ADCY3: variants seen among roughly 807,000 people sequenced by gnomAD.
ADCY3 encodes adenylate cyclase 3.
ADCY3 carries 70 observed loss-of-function variants against 119.4 expected under a neutral mutation model. That is an observed-to-expected ratio of 0.59 (90% CI 0.48 to 0.72). The LOEUF is 0.72. ADCY3 is among the 30% of genes least tolerant of loss of function. The probability of loss-of-function intolerance (pLI) is 0.00; values close to 1 mark genes in which losing one functional copy is unlikely to be tolerated. For missense variants in ADCY3, 1,238 were observed against 1,541.6 expected (o/e 0.80, Z 3.30); for synonymous variants, 672 against 621.4 (o/e 1.08, Z -1.21).
At chr2:24,854,627 T>TA (rs1672787374) in intron 3 of ADCY3, among the ~76,000 whole-genome samples, 1 of 151,942 alleles carries the variant, frequency 6.6e-6, no homozygotes, top group Non-Finnish European at 1.5e-5. Flanking sequence ...TCAAAAAGGA[T>TA]AGAGGTCATA....
intron 3 of ADCY3, among the ~76,000 whole-genome samples, chr2:24,857,099 G>A (rs755627062): frequency 8.9e-4 from 136 of 152,184 alleles, no homozygotes; most frequent in Non-Finnish European, 1.7e-3. Flanking sequence ...GGAACAGTGC[G>A]GAAATCACAC....
chr2:24,872,790 G>C lies in ADCY3; in HGVS notation c.676-71C>G, dbSNP rs1027549880. On this transcript the variant is annotated intron_variant, in intron 2 of 21. Transcript: ENST00000679454. This position sits in a 1 kb window ranked among gnomAD's most constrained non-coding sequence, Gnocchi z 4.4. ...GTCTTCAGAAAAGGGGATGGAGAAGGGGATGGAGGAGGTGGGGTGGGTGGT... is the reference window on the plus strand; with the variant it reads ...GTCTTCAGAAAAGGGGATGGAGAAGCGGATGGAGGAGGTGGGGTGGGTGGT... The C allele has an allele frequency of 2.2e-5, 35 of 1,565,276 alleles. No homozygotes were observed. Among genetic ancestry groups the C allele is most frequent in the Non-Finnish European group, 2.8e-5 (32 of 1,148,220 alleles).
Position 24,918,507 on chromosome 2 carries a change from G to A in ADCY3, c.481C>T (p.Arg161Cys), listed in dbSNP as rs765162350. Residue 161 changes from arginine (R) to cysteine (C), a missense_variant, in exon 2 of 22, where the codon CGT (arginine) becomes TGT (cysteine). Around this residue, in one of 7 missense-constraint regions of ADCY3, gnomAD observed 227 missense variants for 249.3 expected, o/e 0.91. Transcript: ENST00000679454. The surrounding 1 kb of genome is among the most constrained non-coding windows in gnomAD (Gnocchi z 5.4). ...IFSYLGLNFARAHAASDTVGW... is the reference protein window; with the variant it reads ...IFSYLGLNFACAHAASDTVGW... The stretch of plus-strand genomic sequence containing the variant: ...ACCGTGTCACTAGCCGCGTGGGCAC[G>A]CGCGAAGTTCAGGCCCAGGTAGGAG... The A allele has an allele frequency of 1.2e-6, 2 of 1,613,870 alleles. No individual in the cohort carries two copies. The highest frequency in any genetic ancestry group is 1.6e-4 in the Middle Eastern group (1 of 6,082).
In ADCY3 at chr2:24,841,406, C is replaced by T. The variant is rs1431072707; in HGVS notation, c.1069-20G>A. On this transcript the variant is annotated intron_variant, in intron 5 of 21. Transcript: ENST00000679454. The surrounding 1 kb of genome is among the most constrained non-coding windows in gnomAD (Gnocchi z 5.8). The stretch of plus-strand genomic sequence containing the variant: ...GTATTTCTGAAAGGGGAGGGCCTGG[C>T]CTGTGCTCCAGCCCCTCCTCAGTGA... 2.5e-6 allele frequency: 4 copies of T among 1,609,686 alleles called. No homozygotes were observed. The highest frequency in any genetic ancestry group is 3.4e-6 in the Non-Finnish European group (4 of 1,178,248).
At chr2:24,840,420 C>T (rs1327016495) in intron 6 of ADCY3, 18 of 386,096 alleles carry the variant, frequency 4.7e-5, no homozygotes, top group South Asian at 2.8e-4. Context: ...CCTGCCTGAA[C>T]GTGTCTGACA....
intron 3 of ADCY3, among the ~76,000 whole-genome samples, chr2:24,866,564 C>CAAAAAAAAAAAAAAAAAAAAAAAAAA (rs71397449): frequency 2.1e-5 from 1 of 46,548 alleles, no homozygotes; most frequent in Non-Finnish European, 3.7e-5. Context: ...GACCCTGTCT[C>CAAAAAAAAAAAAAAAAAAAAAAAAAA]AAAAAAAAAA....
At chr2:24,882,762 A>G (rs1291120795) in intron 2 of ADCY3, among the ~76,000 whole-genome samples, 1 of 152,210 alleles carries the variant, frequency 6.6e-6, no homozygotes, top group Non-Finnish European at 1.5e-5. Context: ...CTGGCAGTAA[A>G]GAAGCTAGCA....
chr2:24,827,430 G>C lies in ADCY3; in HGVS notation c.2495+116C>G, dbSNP rs879847150. On this transcript the variant is annotated intron_variant, in intron 15 of 21. Coordinates refer to ENST00000679454, the MANE Select transcript of ADCY3 (RefSeq NM_004036.5). ...CCATGCCAGCTTCTCTAACCTGCAC[G>C]TATCAGGTCACGTGCCTCCCGGGAG... The C allele has an allele frequency of 9.9e-6, 11 of 1,108,186 alleles. No individual in the cohort carries two copies. In the East Asian group the frequency reaches 1.0e-4, roughly 10 times the overall value. The allele number at this position is 1,108,186 out of a possible 1,614,324, so 68.6% of individuals were successfully genotyped here. A position where few individuals can be genotyped will look rare whatever the true frequency, so the allele number is the denominator to read the frequency against.
At chr2:24,827,711 G>T (rs1300842850) in intron 14 of ADCY3, 103 bp from the exon 15 acceptor site, 1 of 1,427,862 alleles carries the variant, frequency 7.0e-7, no homozygotes, top group Admixed American at 2.0e-5. Context: ...GGGAGAATGG[G>T]AAGAATCTAT....
At position 24,827,980 on chromosome 2, in the gene ADCY3, C is replaced by A; in HGVS notation, c.2354G>T (p.Gly785Val). 6.2e-7 allele frequency: 1 copy of A among 1,614,244 alleles called. No individual in the cohort carries two copies. The highest frequency in any genetic ancestry group is 1.1e-5 in the South Asian group (1 of 91,088). ...VKLTLMLLVA[G>V]AVATINLYAW... Reference sequence around the variant, plus strand: ...ATAGAGGTTGATGGTGGCCACGGCGCCTGCGACGAGCAGCATGAGCGTGAG... The same window carrying A: ...ATAGAGGTTGATGGTGGCCACGGCGACTGCGACGAGCAGCATGAGCGTGAG... The change falls in exon 14 of 22, where the codon GGC becomes GTC. Residue 785 changes from glycine (G) to valine (V), a missense_variant. Physicochemically the swap from Gly to Val is moderately radical, Grantham distance 109. Around this residue, in one of 7 missense-constraint regions of ADCY3, gnomAD observed 499 missense variants for 571.0 expected, o/e 0.87. Coordinates refer to ENST00000679454, the MANE Select transcript of ADCY3 (RefSeq NM_004036.5).
chr2:24,833,066 G>T (rs1303486281), intron 11 of ADCY3, among the ~76,000 whole-genome samples: 1 of 152,174 alleles, frequency 6.6e-6, no homozygotes, highest in African/African-American at 2.4e-5. Flanking sequence ...CCTCGGCCTG[G>T]CCTGGCCACC....
Position 24,822,529 on chromosome 2 carries a change from G to C in ADCY3, c.2985C>G (p.Gly995=). Residue 995 remains glycine, a synonymous_variant, in exon 19 of 22, where the codon GGC becomes GGG. Coordinates refer to ENST00000679454, the MANE Select transcript of ADCY3 (RefSeq NM_004036.5). ...TAGCTACCTTGTTGGAGCTGGCAAA[G>C]CCATTGGTGTTGACATCGGGGGTGA... The part of the protein sequence containing the change: ...SGVTPDVNTN[G]FASSNKEDKS... The C allele has an allele frequency of 6.2e-7, 1 of 1,613,962 alleles. No individual in the cohort carries two copies. Among genetic ancestry groups the C allele is most frequent in the South Asian group, 1.1e-5 (1 of 91,070 alleles).
chr2:24,868,065 T>G (rs1303407325), intron 3 of ADCY3, among the ~76,000 whole-genome samples: 2 of 152,186 alleles, frequency 1.3e-5, no homozygotes, highest in Non-Finnish European at 2.9e-5. Context: ...GCATCAAAAC[T>G]GACCACATGC....
intron 3 of ADCY3, among the ~76,000 whole-genome samples, chr2:24,849,250 T>G (rs1359092068): frequency 6.6e-6 from 1 of 152,114 alleles, no homozygotes; most frequent in Non-Finnish European, 1.5e-5. Flanking sequence ...TCCAATCCAG[T>G]CCTGTGGGAG....
chr2:24,906,817 T>G (rs1679495171), intron 2 of ADCY3, among the ~76,000 whole-genome samples: 1 of 152,204 alleles, frequency 6.6e-6, no homozygotes. Context: ...GACCAGGCCT[T>G]GAGCAATCTG....
At position 24,834,592 on chromosome 2, in the gene ADCY3, C is replaced by T. The variant is rs1670039132; in HGVS notation, c.1860G>A (p.Met620Ile). 1 of 1,614,000 alleles carries T rather than the reference C, an allele frequency of 6.2e-7. No individual in the cohort carries two copies. Among genetic ancestry groups the T allele is most frequent in the Admixed American group, 1.7e-5 (1 of 59,994 alleles). The change falls in exon 11 of 22, where the codon ATG becomes ATA. Residue 620 changes from methionine to isoleucine, a missense_variant. Around this residue, in one of 7 missense-constraint regions of ADCY3, gnomAD observed 499 missense variants for 571.0 expected, o/e 0.87. Coordinates refer to ENST00000679454, the MANE Select transcript of ADCY3 (RefSeq NM_004036.5). The surrounding 1 kb of genome is among the most constrained non-coding windows in gnomAD (Gnocchi z 4.2). ...LLSMRFMDPE[M>I]ETRYSVEKEK... ...CCTTCTCCACCGAGTAGCGGGTTTC[C>T]ATCTCGGGGTCCATGAACCGCATGG...
intron 12 of ADCY3, 122 bp downstream of exon 12, chr2:24,831,540 C>G (rs369719399): frequency 2.5e-6 from 2 of 796,030 alleles, no homozygotes. Flanking sequence ...CTGGACCGTC[C>G]TAACAGAGGA....
At position 24,827,529 on chromosome 2, in the gene ADCY3, G is replaced by A; in HGVS notation, c.2495+17C>T. The A allele has an allele frequency of 6.3e-7, 1 of 1,575,194 alleles. No individual in the cohort carries two copies. Among genetic ancestry groups the A allele is most frequent in the Non-Finnish European group, 8.6e-7 (1 of 1,157,470 alleles). On this transcript the variant is annotated intron_variant, in intron 15 of 21. Coordinates refer to ENST00000679454, the MANE Select transcript of ADCY3 (RefSeq NM_004036.5). ...GGGCTGTGAGTGCAGGCCAGGAGGG[G>A]AAGCCGTGGCCCTTACCTGTCAGTG...
chr2:24,832,370 CAG>C (rs1167188403), intron 11 of ADCY3, among the ~76,000 whole-genome samples: 1 of 152,088 alleles, frequency 6.6e-6, no homozygotes, highest in Non-Finnish European at 1.5e-5. Flanking sequence ...GCTGAAAGGA[CAG>C]AGCACGGAGC....
Sources: gnomAD v4.1 joint callset for allele counts (sites outside exome capture counted in the v4.1 genomes callset) on GRCh38, gnomAD v4.1.1 for gene constraint, gnomAD v4.1.1 regional missense constraint, Gnocchi (gnomAD v3.1) non-coding constraint, MANE v1.5 for transcripts, NCBI Gene and HGNC (gene_info 2026-07-23, HGNC 2026-07-21) for gene names.